SKAP1: variants seen among roughly 807,000 people sequenced by gnomAD.
SKAP1 encodes the protein src kinase associated phosphoprotein 1.
A neutral mutation model predicts 58.5 loss-of-function variants in SKAP1; 44 were observed. The ratio of observed to expected loss-of-function variants is 0.75; its 90% CI spans 0.59 to 0.97. The LOEUF (loss-of-function observed/expected upper bound fraction) is 0.97. SKAP1 is among the 50% of genes least tolerant of loss of function. The probability of loss-of-function intolerance (pLI) is 0.00; values close to 1 mark genes in which losing one functional copy is unlikely to be tolerated. For missense variants in SKAP1, 390 were observed against 435.2 expected (o/e 0.90, Z 0.92); for synonymous variants, 127 against 149.7 (o/e 0.85, Z 1.11).
chr17:48,139,630 G>A (rs1056656309), intron 11 of SKAP1, among the ~76,000 whole-genome samples: 20 of 152,314 alleles, frequency 1.3e-4, no homozygotes, highest in Middle Eastern at 3.4e-3. Flanking sequence ...TTGGTGATAT[G>A]TAAAATTCAG....
intron 4 of SKAP1, among the ~76,000 whole-genome samples, chr17:48,310,179 C>T (rs935993841): frequency 2.0e-5 from 3 of 152,198 alleles, no homozygotes; most frequent in African/African-American, 7.2e-5. Context: ...AACCCTTTAA[C>T]GAACAGATGT....
chr17:48,261,808 T>C (rs1034312002), intron 4 of SKAP1, among the ~76,000 whole-genome samples: 1 of 151,192 alleles, frequency 6.6e-6, no homozygotes, highest in Non-Finnish European at 1.5e-5. Context: ...AGGTTCCTTT[T>C]GTTTTATGGT....
intron 1 of SKAP1, among the ~76,000 whole-genome samples, chr17:48,409,081 T>C (rs2067628165): frequency 6.6e-6 from 1 of 152,196 alleles, no homozygotes; most frequent in African/African-American, 2.4e-5. Context: ...GAGCTACCTA[T>C]GGGGTAGATA....
chr17:48,410,512 T>C (rs932631522), intron 1 of SKAP1, among the ~76,000 whole-genome samples: 3 of 152,058 alleles, frequency 2.0e-5, no homozygotes, highest in Non-Finnish European at 4.4e-5. Flanking sequence ...AATGGCTGAT[T>C]CTAGGACTGG....
intron 11 of SKAP1, among the ~76,000 whole-genome samples, chr17:48,150,749 G>T (rs775388380): frequency 1.3e-5 from 2 of 152,192 alleles, no homozygotes; most frequent in Non-Finnish European, 2.9e-5. Context: ...CATCCACAAA[G>T]TAGAGCGAGC....
rs199779652 is a variant in SKAP1, at chr17:48,184,787, A to C, written c.503T>G (p.Leu168Arg). The C allele has an allele frequency of 3.2e-5, 51 of 1,613,938 alleles. No homozygotes were observed. Among genetic ancestry groups the C allele is most frequent in the Non-Finnish European group, 4.1e-5 (48 of 1,179,928 alleles). Residue 168 changes from leucine to arginine, a missense_variant, in exon 7 of 13, where the codon CTG (leucine) becomes CGG (arginine). Transcript: ENST00000336915. ...GGATTCTTTCTTGGAATCTCTTCGC[A>C]GGTGGGGGGCCATCCGTACACCGTA... ...KGYGVRMAPH[L>R]RRDSKKESCF...
chr17:48,346,947 C>T (rs1395746443), intron 3 of SKAP1, among the ~76,000 whole-genome samples: 1 of 152,118 alleles, frequency 6.6e-6, no homozygotes, highest in African/African-American at 2.4e-5. Flanking sequence ...AATATTTGTC[C>T]TGTAAAATGG....
At chr17:48,436,142 G>A in the SKAP1 span, among the ~76,000 whole-genome samples, 2 of 151,812 alleles carry the variant, frequency 1.3e-5, no homozygotes, top group Admixed American at 1.3e-4. Flanking sequence ...TGGGATCTTG[G>A]CTCACTGCAA....
At chr17:48,351,554 A>G (rs1357126046) in intron 3 of SKAP1, among the ~76,000 whole-genome samples, 2 of 152,180 alleles carry the variant, frequency 1.3e-5, no homozygotes, top group Non-Finnish European at 2.9e-5. Context: ...AATAAATGAT[A>G]GGTCAGGTAA....
intron 4 of SKAP1, among the ~76,000 whole-genome samples, chr17:48,304,682 T>C (rs1186208617): frequency 6.6e-6 from 1 of 152,232 alleles, no homozygotes; most frequent in Non-Finnish European, 1.5e-5. Context: ...CTTTCTGAGA[T>C]ACTTTAGATG....
At chr17:48,365,682 C>A (rs1423952206) in intron 2 of SKAP1, among the ~76,000 whole-genome samples, 1 of 152,106 alleles carries the variant, frequency 6.6e-6, no homozygotes, top group East Asian at 1.9e-4. Context: ...TGCATATTAA[C>A]TCTTGCTATA....
chr17:48,334,310 A>G (rs2144279265), intron 4 of SKAP1, among the ~76,000 whole-genome samples: 1 of 152,150 alleles, frequency 6.6e-6, no homozygotes, highest in East Asian at 1.9e-4. Flanking sequence ...TTTAAAAATA[A>G]GTATTCTAGA....
intron 11 of SKAP1, among the ~76,000 whole-genome samples, chr17:48,149,602 G>A: frequency 6.6e-6 from 1 of 152,084 alleles, no homozygotes; most frequent in East Asian, 1.9e-4. Flanking sequence ...CCCTCTAGGG[G>A]GTGTCACAGC....
chr17:48,386,479 C>A (rs1272972759), intron 2 of SKAP1, among the ~76,000 whole-genome samples: 2 of 152,056 alleles, frequency 1.3e-5, no homozygotes, highest in Non-Finnish European at 2.9e-5. Flanking sequence ...ACTTAGGATC[C>A]TATTAAAATG....
At chr17:48,225,010 A>G (rs774513744) in intron 4 of SKAP1, among the ~76,000 whole-genome samples, 6 of 152,250 alleles carry the variant, frequency 3.9e-5, no homozygotes, top group Non-Finnish European at 8.8e-5. Flanking sequence ...GGAAAGGACT[A>G]CAAATAACTA....
chr17:48,417,124 A>G (rs897475151), intron 1 of SKAP1, among the ~76,000 whole-genome samples: 5 of 152,198 alleles, frequency 3.3e-5, no homozygotes, highest in African/African-American at 4.8e-5. Flanking sequence ...CCTTATACCT[A>G]CCAGCTTTGT....
At chr17:48,205,035 C>CTT (rs57016448) in intron 4 of SKAP1, among the ~76,000 whole-genome samples, 1 of 78,326 alleles carries the variant, frequency 1.3e-5, no homozygotes, top group Admixed American at 1.6e-4. Context: ...TTCTTTCTTT[C>CTT]TTTCTCTCTC....
At chr17:48,174,726 CT>C (rs1166927371) in intron 9 of SKAP1, among the ~76,000 whole-genome samples, 1 of 152,180 alleles carries the variant, frequency 6.6e-6, no homozygotes, top group Non-Finnish European at 1.5e-5. Flanking sequence ...ATTATGTCTA[CT>C]GAAATACATC....
chr17:48,363,938 C>T, intron 2 of SKAP1, 124 bp from the exon 3 acceptor site: 2 of 577,180 alleles, frequency 3.5e-6, no homozygotes, highest in East Asian at 6.0e-5. Context: ...CAGCCAAAGT[C>T]ACTACTAATT....
Sources: gnomAD v4.1 joint callset for allele counts (sites outside exome capture counted in the v4.1 genomes callset) on GRCh38, gnomAD v4.1.1 for gene constraint, MANE v1.5 for transcripts, NCBI Gene and HGNC (gene_info 2026-07-23, HGNC 2026-07-21) for gene names.